UCK2: variants seen among roughly 807,000 people sequenced by gnomAD.
UCK2 encodes the protein uridine-cytidine kinase 2.
Under a neutral mutation model 30.8 loss-of-function variants are expected in UCK2, and 6 were observed. That is an observed-to-expected ratio of 0.19 (90% CI 0.11 to 0.38). The LOEUF (loss-of-function observed/expected upper bound fraction) is 0.38, where lower values mean the gene tolerates loss of function less well. Among genes scored for constraint, UCK2 ranks in the 10% least tolerant of loss-of-function variants. UCK2 has a pLI of 1.00. For missense variants in UCK2, 210 were observed against 339.8 expected (o/e 0.62, Z 3.00); for synonymous variants, 125 against 133.6 (o/e 0.94, Z 0.45).
chr1:165,881,973 G>A (rs185283767), intron 1 of UCK2, among the ~76,000 whole-genome samples: 21 of 152,266 alleles, frequency 1.4e-4, no homozygotes, highest in African/African-American at 4.3e-4. Flanking sequence ...CTACCTTTGC[G>A]GCACCAACAG....
intron 4 of UCK2, among the ~76,000 whole-genome samples, chr1:165,902,308 T>A (rs940904231): frequency 2.6e-5 from 4 of 152,032 alleles, no homozygotes; most frequent in African/African-American, 9.7e-5. Flanking sequence ...CTTGGGAAGT[T>A]GAGGTGGGAG....
chr1:165,856,082 G>A (rs1654738356), intron 1 of UCK2, among the ~76,000 whole-genome samples: 1 of 152,086 alleles, frequency 6.6e-6, no homozygotes, highest in African/African-American at 2.4e-5. Flanking sequence ...AATGATGTGT[G>A]TCTTCCAGTG....
chr1:165,855,449 C>T (rs931623300), intron 1 of UCK2, among the ~76,000 whole-genome samples: 5 of 151,632 alleles, frequency 3.3e-5, no homozygotes, highest in Non-Finnish European at 5.9e-5. Flanking sequence ...CAGAATCCAT[C>T]GTGGTAGGAA....
At chr1:165,880,442 A>C (rs1361285348) in intron 1 of UCK2, among the ~76,000 whole-genome samples, 2 of 152,136 alleles carry the variant, frequency 1.3e-5, no homozygotes. Context: ...ACTTGCACCC[A>C]CAAGTCAGTA....
At chr1:165,879,571 T>TATTA (rs1553199402) in intron 1 of UCK2, among the ~76,000 whole-genome samples, 2 of 150,872 alleles carry the variant, frequency 1.3e-5, no homozygotes, top group Non-Finnish European at 1.5e-5. Context: ...TTATTATTAT[T>TATTA]TTGTCAGTAG....
intron 3 of UCK2, among the ~76,000 whole-genome samples, chr1:165,893,918 T>G (rs1457509488): frequency 6.6e-6 from 1 of 152,222 alleles, no homozygotes; most frequent in Non-Finnish European, 1.5e-5. Flanking sequence ...TTAGGCATCC[T>G]AAAATGCTCT....
intron 1 of UCK2, among the ~76,000 whole-genome samples, chr1:165,859,750 GGAGA>G (rs1257845327): frequency 6.6e-6 from 1 of 152,112 alleles, no homozygotes; most frequent in African/African-American, 2.4e-5. Flanking sequence ...AGCTGAGGTA[GGAGA>G]GAATCACTTG....
intron 1 of UCK2, among the ~76,000 whole-genome samples, chr1:165,852,557 A>T (rs1190681563): frequency 6.6e-6 from 1 of 152,376 alleles, no homozygotes; most frequent in Middle Eastern, 3.4e-3. Context: ...TTAAAAAGTC[A>T]GGAGACAGTG....
intron 1 of UCK2, among the ~76,000 whole-genome samples, chr1:165,876,320 G>A (rs1189773135): frequency 5.3e-5 from 8 of 152,140 alleles, no homozygotes; most frequent in Non-Finnish European, 1.2e-4. Flanking sequence ...CGTCACCAAG[G>A]AAACAGTAGA....
intron 1 of UCK2, among the ~76,000 whole-genome samples, chr1:165,889,179 C>T (rs1208928430): frequency 6.6e-6 from 1 of 152,178 alleles, no homozygotes; most frequent in Non-Finnish European, 1.5e-5. Flanking sequence ...TGTGGTGACA[C>T]ACGTTTGTGA....
intron 1 of UCK2, among the ~76,000 whole-genome samples, chr1:165,869,731 C>T (rs1260001192): frequency 1.6e-5 from 2 of 124,502 alleles, no homozygotes; most frequent in African/African-American, 3.1e-5. Flanking sequence ...TGCAGTGTGT[C>T]GTGATCATAG....
intron 4 of UCK2, among the ~76,000 whole-genome samples, chr1:165,900,994 G>T (rs1243788312): frequency 6.6e-6 from 1 of 152,178 alleles, no homozygotes; most frequent in African/African-American, 2.4e-5. Context: ...CGCGCTGGCT[G>T]TGTGTTTTGG....
Position 165,861,447 on chromosome 1 carries a change from T to C in UCK2, c.100-28757T>C, listed in dbSNP as rs142339703. ...ATCGAGACCATCCCGGCTAAAACGG[T>C]GAAACCCCGTCTCTACTAAAAATAC... On this transcript the variant is annotated intron_variant, in intron 1 of 6. Coordinates refer to ENST00000367879, the MANE Select transcript of UCK2 (RefSeq NM_012474.5). Among the ~76,000 whole-genome samples the C allele has an allele frequency of 2.8e-3, 429 of 150,562 alleles. 2 individuals are homozygous for C. The highest frequency in any genetic ancestry group is 9.8e-3 in the African/African-American group (401 of 40,984).
chr1:165,885,988 TGACCAAATTCCA>T (rs1655604557), intron 1 of UCK2, among the ~76,000 whole-genome samples: 3 of 152,256 alleles, frequency 2.0e-5, no homozygotes, highest in Admixed American at 6.5e-5. Flanking sequence ...CATTATTGGA[TGACCAAATTCCA>T]GAACCCTTTC....
At chr1:165,868,608 A>G (rs985168084) in intron 1 of UCK2, among the ~76,000 whole-genome samples, 2 of 152,200 alleles carry the variant, frequency 1.3e-5, no homozygotes, top group Non-Finnish European at 2.9e-5. Context: ...GTTAGCTTCA[A>G]ACTTTTCTTG....
chr1:165,861,082 C>A (rs896439408), intron 1 of UCK2, among the ~76,000 whole-genome samples: 1 of 152,024 alleles, frequency 6.6e-6, no homozygotes, highest in Non-Finnish European at 1.5e-5. Context: ...GGTGGGGGGC[C>A]CATTCTCTGC....
chr1:165,865,164 G>A (rs893072183), intron 1 of UCK2, among the ~76,000 whole-genome samples: 1 of 152,214 alleles, frequency 6.6e-6, no homozygotes. Context: ...TGACCATGTA[G>A]TTTGTTAATC....
intron 1 of UCK2, among the ~76,000 whole-genome samples, chr1:165,862,337 T>C (rs376287444): frequency 2.0e-5 from 3 of 152,312 alleles, no homozygotes; most frequent in East Asian, 3.9e-4. Context: ...AGGACAGTGC[T>C]GCTTCCAGAT....
chr1:165,907,468 A>G (rs495529), intron 6 of UCK2, among the ~76,000 whole-genome samples: 66,336 of 151,998 alleles, frequency 0.44, 15,551 homozygotes, highest in African/African-American at 0.61. Context: ...GGCATTGTCT[A>G]TCTTACTCCT....
Sources: gnomAD v4.1 joint callset for allele counts (sites outside exome capture counted in the v4.1 genomes callset) on GRCh38, gnomAD v4.1.1 for gene constraint, MANE v1.5 for transcripts, NCBI Gene and HGNC (gene_info 2026-07-23, HGNC 2026-07-21) for gene names.